AKAP6: variants seen among roughly 807,000 people sequenced by gnomAD.
AKAP6 encodes the protein A-kinase anchor protein 6.
AKAP6 carries 58 observed loss-of-function variants against 188.5 expected under a neutral mutation model. The observed-to-expected ratio is 0.31, with a 90% CI of 0.25 to 0.38. AKAP6 has a LOEUF of 0.38. Among genes scored for constraint, AKAP6 ranks in the 10% least tolerant of loss-of-function variants. The pLI, the probability that AKAP6 is intolerant of heterozygous loss-of-function variation, is 1.00. For missense variants in AKAP6, 2,710 were observed against 2,740.0 expected, an observed-to-expected ratio of 0.99 and a Z score of 0.24; for synonymous variants, 989 against 998.6, an observed-to-expected ratio of 0.99 and a Z score of 0.18.
chr14:32,360,455 A>G (rs1164071782), intron 1 of AKAP6, among the ~76,000 whole-genome samples: 2 of 152,084 alleles, frequency 1.3e-5, no homozygotes, highest in African/African-American at 4.8e-5. Flanking sequence ...AATTTTACCC[A>G]TTGATTGTAG....
chr14:32,723,739 CTGCT>C (rs1162892257), intron 9 of AKAP6, among the ~76,000 whole-genome samples: 2 of 152,152 alleles, frequency 1.3e-5, no homozygotes, highest in East Asian at 3.9e-4. Flanking sequence ...CACACTATGC[CTGCT>C]TATCTCTTAC....
intron 4 of AKAP6, among the ~76,000 whole-genome samples, chr14:32,560,763 G>A (rs1280862378): frequency 6.6e-6 from 1 of 151,906 alleles, no homozygotes; most frequent in Non-Finnish European, 1.5e-5. Context: ...AATGATTCTT[G>A]GAACTTTAGT....
intron 12 of AKAP6, among the ~76,000 whole-genome samples, chr14:32,780,180 A>G (rs1259846231): frequency 2.0e-5 from 3 of 149,638 alleles, no homozygotes; most frequent in Non-Finnish European, 4.5e-5. Context: ...ATGCATGCTT[A>G]TACACATATA....
At chr14:32,669,804 G>A (rs1348335551) in intron 7 of AKAP6, among the ~76,000 whole-genome samples, 1 of 152,108 alleles carries the variant, frequency 6.6e-6, no homozygotes, top group Non-Finnish European at 1.5e-5. Flanking sequence ...CCGAGCAAAA[G>A]GGGAAAACAT....
chr14:32,810,489 G>C (rs1034295109), intron 12 of AKAP6, among the ~76,000 whole-genome samples: 2 of 152,130 alleles, frequency 1.3e-5, no homozygotes, highest in African/African-American at 4.8e-5. Flanking sequence ...TGTTTCCCTT[G>C]AGGTCGCAAA....
At position 32,824,571 on chromosome 14, in the gene AKAP6, A is replaced by T. The variant is rs377084842; in HGVS notation, c.6758A>T (p.Lys2253Met). ...ACTCCTTCAAAGCTTGACAGTGAAA[A>T]GGAAAGTTCCGGAAAACCAGGTGAA... Reference protein sequence around the residue: ...EFTPSKLDSEKESSGKPGESG... With the variant: ...EFTPSKLDSEMESSGKPGESG... Residue 2253 changes from lysine to methionine, a missense_variant, in exon 13 of 14, where the codon AAG becomes ATG. Physicochemically the swap from Lys to Met is moderately conservative, Grantham distance 95. Transcript: ENST00000280979. 27 of 1,613,846 alleles carry T rather than the reference A, an allele frequency of 1.7e-5. 1 individual carries two copies. The highest frequency in any genetic ancestry group is 3.3e-4 in the Middle Eastern group (2 of 6,082).
intron 4 of AKAP6, among the ~76,000 whole-genome samples, chr14:32,551,176 C>T (rs547187405): frequency 2.6e-5 from 4 of 152,190 alleles, no homozygotes; most frequent in Non-Finnish European, 5.9e-5. Context: ...CTTTTGTCTA[C>T]ATCCTCTCCA....
chr14:32,386,000 T>A (rs545244069), intron 1 of AKAP6, among the ~76,000 whole-genome samples: 6 of 106,670 alleles, frequency 5.6e-5, no homozygotes, highest in Admixed American at 4.9e-4. Flanking sequence ...ATTCATCATA[T>A]GTATCTATAT....
At chr14:32,513,638 G>T (rs1881367584) in intron 2 of AKAP6, among the ~76,000 whole-genome samples, 2 of 152,106 alleles carry the variant, frequency 1.3e-5, no homozygotes, top group Non-Finnish European at 2.9e-5. Flanking sequence ...CCATGGAACT[G>T]ACTTAACCTC....
chr14:32,796,842 C>T (rs1414660963), intron 12 of AKAP6, among the ~76,000 whole-genome samples: 1 of 152,158 alleles, frequency 6.6e-6, no homozygotes, highest in Non-Finnish European at 1.5e-5. Context: ...GCACAAGAAA[C>T]TCATCAGAGT....
chr14:32,735,998 G>A, intron 11 of AKAP6, 116 bp downstream of exon 11: 2 of 766,274 alleles, frequency 2.6e-6, no homozygotes, highest in Non-Finnish European at 4.1e-6. Context: ...GCACCTAAAT[G>A]TTTCCTTGAA....
intron 12 of AKAP6, among the ~76,000 whole-genome samples, chr14:32,818,351 A>G (rs1272835604): frequency 6.6e-6 from 1 of 152,254 alleles, no homozygotes; most frequent in South Asian, 2.1e-4. Context: ...ACACACAGAT[A>G]CCAAAATCCT....
chr14:32,596,347 A>G lies in AKAP6; in HGVS notation c.2470-3063A>G, dbSNP rs923591924. Among the ~76,000 whole-genome samples the G allele has an allele frequency of 5.3e-5, 8 of 152,284 alleles. No individual in the cohort carries two copies. In the South Asian group the frequency reaches 1.0e-3, roughly 20 times the overall value. Reference sequence around the variant, plus strand: ...CAAATCTGATCATGACCAAAGTACAATCAGTGGGAATTCTCAAAGTTTGGT... The same window carrying G: ...CAAATCTGATCATGACCAAAGTACAGTCAGTGGGAATTCTCAAAGTTTGGT... On this transcript the variant is annotated intron_variant, in intron 5 of 13. Coordinates refer to ENST00000280979, the MANE Select transcript of AKAP6 (RefSeq NM_004274.5).
chr14:32,354,876 G>T (rs142074007), intron 1 of AKAP6, among the ~76,000 whole-genome samples: 10 of 152,164 alleles, frequency 6.6e-5, no homozygotes, highest in Non-Finnish European at 1.5e-5. Flanking sequence ...ATGCCATCCC[G>T]GGGAGTTGCC....
intron 2 of AKAP6, among the ~76,000 whole-genome samples, chr14:32,521,070 A>G (rs1178937437): frequency 1.3e-5 from 2 of 152,296 alleles, no homozygotes; most frequent in South Asian, 4.1e-4. Flanking sequence ...CATCATATAA[A>G]CAGAACCACA....
At chr14:32,367,951 C>G (rs539256324) in intron 1 of AKAP6, among the ~76,000 whole-genome samples, 55 of 152,328 alleles carry the variant, frequency 3.6e-4, no homozygotes, top group African/African-American at 1.3e-3. Flanking sequence ...ACAGACAACA[C>G]ATTTATCTTC....
intron 8 of AKAP6, 100 bp downstream of exon 8, chr14:32,678,559 C>A (rs2273417): frequency 0.19 from 256,567 of 1,376,840 alleles, 30,858 homozygotes; most frequent in East Asian, 0.58. Context: ...TTTAGCAAAC[C>A]GACAAGGAGA....
chr14:32,774,003 T>G (rs1198394887), intron 12 of AKAP6, 110 bp downstream of exon 12: 12 of 1,211,314 alleles, frequency 9.9e-6, no homozygotes, highest in Non-Finnish European at 1.4e-5. Context: ...ACTAACTAAC[T>G]TAAAGTGGTT....
At chr14:32,820,378 C>G (rs2034489690) in intron 12 of AKAP6, among the ~76,000 whole-genome samples, 1 of 151,902 alleles carries the variant, frequency 6.6e-6, no homozygotes, top group Non-Finnish European at 1.5e-5. Flanking sequence ...AGTCCAGGAG[C>G]CTAGCCAGCT....
Sources: allele counts gnomAD v4.1 joint callset (sites outside exome capture counted in the v4.1 genomes callset), GRCh38; gene constraint gnomAD v4.1.1; transcripts MANE v1.5; gene names NCBI Gene and HGNC (gene_info 2026-07-23, HGNC 2026-07-21).